STAC: variants seen among roughly 807,000 people sequenced by gnomAD.
STAC encodes the protein SH3 and cysteine rich domain.
Under a neutral mutation model 48.8 loss-of-function variants are expected in STAC, and 43 were observed. That is an observed-to-expected ratio of 0.88 (90% CI 0.69 to 1.14). STAC has a LOEUF of 1.14. Ranked by LOEUF, STAC falls within the 50% of genes most tolerant of loss-of-function variation. STAC has a pLI of 0.00. For synonymous variants in STAC, 193 were observed against 179.5 expected, an observed-to-expected ratio of 1.07 and a Z score of -0.60; for missense variants, 497 against 504.0, an observed-to-expected ratio of 0.99 and a Z score of 0.13.
chr3:36,511,166 G>C (rs553610605), intron 8 of STAC, among the ~76,000 whole-genome samples: 28 of 151,856 alleles, frequency 1.8e-4, no homozygotes, highest in African/African-American at 6.8e-4. Flanking sequence ...TGTTAAGCTA[G>C]AGTCAATTCT....
At chr3:36,488,291 T>C (rs944213581) in intron 5 of STAC, among the ~76,000 whole-genome samples, 1 of 152,186 alleles carries the variant, frequency 6.6e-6, no homozygotes, top group African/African-American at 2.4e-5. Context: ...TGAATTATTG[T>C]GAAGTTAAAC....
intron 8 of STAC, among the ~76,000 whole-genome samples, chr3:36,514,930 C>T (rs1443273053): frequency 2.6e-5 from 4 of 151,762 alleles, no homozygotes; most frequent in African/African-American, 9.7e-5. Flanking sequence ...CCCAGCTACT[C>T]GGGAGGCTGA....
At chr3:36,420,391 C>G (rs1700420983) in intron 1 of STAC, among the ~76,000 whole-genome samples, 1 of 152,136 alleles carries the variant, frequency 6.6e-6, no homozygotes, top group Non-Finnish European at 1.5e-5. Flanking sequence ...AGCATTTTCA[C>G]CAGGGGTCCC....
chr3:36,427,759 G>A (rs1700601543), intron 1 of STAC, among the ~76,000 whole-genome samples: 1 of 152,158 alleles, frequency 6.6e-6, no homozygotes, highest in South Asian at 2.1e-4. Context: ...ATTCTAGCTT[G>A]CAAAGCAGAT....
chr3:36,421,585 T>G (rs1053510117), intron 1 of STAC, among the ~76,000 whole-genome samples: 4 of 152,204 alleles, frequency 2.6e-5, no homozygotes, highest in African/African-American at 9.6e-5. Context: ...GTCTTCTTTC[T>G]TCATTTAACC....
At chr3:36,459,227 C>T (rs1696934711) in intron 2 of STAC, 1 of 152,064 alleles carries the variant, frequency 6.6e-6, no homozygotes, top group African/African-American at 2.4e-5. Flanking sequence ...TTCATATATA[C>T]AGATTATCCT....
At chr3:36,492,031 A>AAAAAAAAATATATATATATAT (rs1553639882) in intron 5 of STAC, among the ~76,000 whole-genome samples, 1 of 16,440 alleles carries the variant, frequency 6.1e-5, no homozygotes, top group African/African-American at 1.9e-4. Flanking sequence ...AAAAAAAAAA[A>AAAAAAAAATATATATATATAT]ATATATATAT....
chr3:36,405,154 G>A (rs1700066286), intron 1 of STAC, among the ~76,000 whole-genome samples: 2 of 152,168 alleles, frequency 1.3e-5, no homozygotes, highest in South Asian at 4.1e-4. Context: ...AAGGAGGCTT[G>A]CACCAAGCTG....
chr3:36,469,982 G>C (rs568996765), intron 2 of STAC, among the ~76,000 whole-genome samples: 1 of 152,078 alleles, frequency 6.6e-6, no homozygotes, highest in East Asian at 1.9e-4. Context: ...CCTGTATCAT[G>C]TTTTTTATTT....
At chr3:36,491,346 A>C (rs1005258913) in intron 5 of STAC, among the ~76,000 whole-genome samples, 2 of 152,230 alleles carry the variant, frequency 1.3e-5, no homozygotes, top group African/African-American at 4.8e-5. Context: ...AAAATATAAA[A>C]GGCTTGATGG....
intron 3 of STAC, among the ~76,000 whole-genome samples, chr3:36,483,302 G>C (rs971603422): frequency 1.3e-5 from 2 of 152,216 alleles, no homozygotes; most frequent in African/African-American, 4.8e-5. Context: ...TTGAAAGGGA[G>C]TCAGGGTCAT....
chr3:36,433,664 T>A (rs866947604), intron 1 of STAC, among the ~76,000 whole-genome samples: 7 of 152,232 alleles, frequency 4.6e-5, no homozygotes, highest in Non-Finnish European at 8.8e-5. Context: ...GGAGACTATT[T>A]AAAGTCTTTT....
intron 1 of STAC, among the ~76,000 whole-genome samples, chr3:36,396,432 A>G (rs1191960161): frequency 2.0e-5 from 3 of 152,166 alleles, no homozygotes; most frequent in Admixed American, 6.5e-5. Context: ...TAATTTTCTG[A>G]TAACACATTA....
At chr3:36,426,990 C>T (rs1177714388) in intron 1 of STAC, among the ~76,000 whole-genome samples, 1 of 152,230 alleles carries the variant, frequency 6.6e-6, no homozygotes, top group Non-Finnish European at 1.5e-5. Context: ...CCCTTCAACT[C>T]ATCTCCACCA....
intron 1 of STAC, among the ~76,000 whole-genome samples, chr3:36,389,976 G>A (rs77943717): frequency 0.19 from 28,942 of 151,984 alleles, 3,322 homozygotes; most frequent in Non-Finnish European, 0.24. Context: ...ATTTGGGGGG[G>A]AAGGGAGTGC....
chr3:36,383,836 G>C (rs747097295), intron 1 of STAC, among the ~76,000 whole-genome samples: 3 of 152,140 alleles, frequency 2.0e-5, no homozygotes, highest in Non-Finnish European at 4.4e-5. Context: ...GGAAATTGAG[G>C]CCCAAAAAGG....
chr3:36,453,160 A>T (rs566545192), intron 2 of STAC, among the ~76,000 whole-genome samples: 1 of 152,236 alleles, frequency 6.6e-6, no homozygotes, highest in Non-Finnish European at 1.5e-5. Context: ...CTTACTATGC[A>T]TATGAGAGGT....
At chr3:36,439,189 G>C (rs1696247623) in intron 1 of STAC, among the ~76,000 whole-genome samples, 1 of 152,104 alleles carries the variant, frequency 6.6e-6, no homozygotes, top group Non-Finnish European at 1.5e-5. Flanking sequence ...GTGACCTTAG[G>C]CAAGTTGCTT....
intron 10 of STAC, among the ~76,000 whole-genome samples, chr3:36,544,465 C>T (rs1025364047): frequency 2.0e-5 from 3 of 152,004 alleles, no homozygotes; most frequent in African/African-American, 4.8e-5. Context: ...CCACCGCACC[C>T]GGCCAGGTGT....
Sources: allele counts gnomAD v4.1 joint callset (sites outside exome capture counted in the v4.1 genomes callset), GRCh38; gene constraint gnomAD v4.1.1; transcripts MANE v1.5; gene names NCBI Gene and HGNC (gene_info 2026-07-23, HGNC 2026-07-21).